MCM10: variants seen among roughly 807,000 people sequenced by gnomAD.
MCM10 encodes the protein protein MCM10 homolog.
A neutral mutation model predicts 109.9 loss-of-function variants in MCM10; 91 were observed. The observed-to-expected ratio is 0.83, with a 90% CI of 0.70 to 0.99. MCM10 has a LOEUF of 0.99. Ranked by LOEUF, MCM10 falls within the 50% of genes least tolerant of loss-of-function variation. The pLI, the probability that MCM10 is intolerant of heterozygous loss-of-function variation, is 0.00. For synonymous variants in MCM10, 380 were observed against 387.2 expected (o/e 0.98, Z 0.22); for missense variants, 1,077 against 1,061.2 (o/e 1.01, Z -0.21).
Position 13,182,961 on chromosome 10 carries a change from A to T in MCM10, c.959A>T (p.Asn320Ile), listed in dbSNP as rs1373480418. Residue 320 changes from asparagine (N) to isoleucine (I), a missense_variant, in exon 8 of 20, where the codon AAT becomes ATT. Physicochemically the swap from Asn to Ile is moderately radical, Grantham distance 149. Coordinates refer to ENST00000378714, the MANE Select transcript of MCM10 (RefSeq NM_018518.5). This position sits in a 1 kb window ranked among gnomAD's most constrained non-coding sequence, Gnocchi z 4.2. ...AAAACCTTCAGCATATGGAAACTGA[A>T]TGATCTTCGTGACCTGACACAATGT... Reference protein sequence around the residue: ...SGKTFSIWKLNDLRDLTQCVS... With the variant: ...SGKTFSIWKLIDLRDLTQCVS... 7 of 1,613,848 alleles carry T rather than the reference A, an allele frequency of 4.3e-6. No individual in the cohort carries two copies. The highest frequency in any genetic ancestry group is 5.9e-6 in the Non-Finnish European group (7 of 1,179,956).
At chr10:13,177,470 A>G (rs377108577) in intron 6 of MCM10, among the ~76,000 whole-genome samples, 2 of 138,068 alleles carry the variant, frequency 1.4e-5, no homozygotes, top group South Asian at 4.9e-4. Context: ...ATTTCCTTTG[A>G]GTGTCATGTT....
intron 17 of MCM10, among the ~76,000 whole-genome samples, chr10:13,202,956 T>G (rs1034758194): frequency 2.0e-5 from 3 of 152,144 alleles, no homozygotes; most frequent in Non-Finnish European, 4.4e-5. Flanking sequence ...GCGATTCTCG[T>G]GTCTCAGCCT....
At chr10:13,166,657 C>CATATATATATATAT (rs1491379684) in intron 2 of MCM10, among the ~76,000 whole-genome samples, 62 of 19,922 alleles carry the variant, frequency 3.1e-3, no homozygotes, top group East Asian at 7.0e-3. Flanking sequence ...AAAATACATA[C>CATATATATATATAT]ATACATATAT....
At position 13,209,413 on chromosome 10, in the gene MCM10, A is replaced by G; in HGVS notation, c.*103A>G. 1.1e-6 allele frequency: 1 copy of G among 898,588 alleles called. No homozygotes were observed. Among genetic ancestry groups the G allele is most frequent in the Non-Finnish European group, 1.8e-6 (1 of 564,604 alleles). The allele number at this position is 898,588 out of a possible 1,614,324, so 55.7% of individuals were successfully genotyped here. A position where few individuals can be genotyped will look rare whatever the true frequency, so the allele number is the denominator to read the frequency against. The stretch of plus-strand genomic sequence containing the variant: ...CCATTGATTCCTGATTGACGCCGTC[A>G]AAAACAAATGCTTGTTAAGCCCATA... On this transcript the variant is annotated 3_prime_UTR_variant, in exon 20 of 20. Coordinates refer to ENST00000378714, the MANE Select transcript of MCM10 (RefSeq NM_018518.5).
At chr10:13,190,933 T>C (rs1251135897) in intron 10 of MCM10, among the ~76,000 whole-genome samples, 10 of 152,218 alleles carry the variant, frequency 6.6e-5, no homozygotes, top group African/African-American at 2.4e-4. Context: ...TAATGGTGTT[T>C]CCAATGTATG....
chr10:13,190,106 C>A (rs933485352), intron 10 of MCM10, among the ~76,000 whole-genome samples: 9 of 150,686 alleles, frequency 6.0e-5, no homozygotes, highest in Admixed American at 2.0e-4. Flanking sequence ...TAATCAGTGG[C>A]CTCGTCACTA....
intron 17 of MCM10, 82 bp downstream of exon 17, chr10:13,201,616 G>C (rs977359983): frequency 2.2e-5 from 22 of 1,020,504 alleles, no homozygotes; most frequent in Non-Finnish European, 2.8e-5. Context: ...GAACCTGTGG[G>C]ATCTGGGGCC....
At chr10:13,170,219 G>A (rs1289070369) in intron 2 of MCM10, among the ~76,000 whole-genome samples, 3 of 152,248 alleles carry the variant, frequency 2.0e-5, no homozygotes, top group African/African-American at 7.2e-5. Context: ...AGTGGGGGCA[G>A]TGGTCAGGAG....
chr10:13,203,982 A>C (rs1008870072), intron 17 of MCM10, among the ~76,000 whole-genome samples: 1 of 152,156 alleles, frequency 6.6e-6, no homozygotes, highest in Non-Finnish European at 1.5e-5. Flanking sequence ...GTTATTGTGT[A>C]CTTTGTGCCT....
At chr10:13,166,657 C>CATATATATATATATATATAT (rs1491379684) in intron 2 of MCM10, among the ~76,000 whole-genome samples, 3 of 19,950 alleles carry the variant, frequency 1.5e-4, no homozygotes, top group East Asian at 9.9e-4. Context: ...AAAATACATA[C>CATATATATATATATATATAT]ATACATATAT....
chr10:13,201,302 G>T (rs933148857), intron 16 of MCM10, 119 bp from the exon 17 acceptor site: 1 of 693,142 alleles, frequency 1.4e-6, no homozygotes, highest in South Asian at 1.8e-5. Context: ...CTTCCATTCT[G>T]TTCTGTTTTG....
chr10:13,178,677 CT>C (rs1316755563), intron 6 of MCM10, among the ~76,000 whole-genome samples: 2 of 152,128 alleles, frequency 1.3e-5, no homozygotes, highest in African/African-American at 4.8e-5. Flanking sequence ...CTCGGGATTG[CT>C]TTGGCTATTT....
chr10:13,199,406 A>G (rs901029805), intron 16 of MCM10, among the ~76,000 whole-genome samples: 2 of 152,200 alleles, frequency 1.3e-5, no homozygotes, highest in African/African-American at 4.8e-5. Context: ...TTATGTTTAA[A>G]TGGCTCTACA....
rs1314858352 is a variant in MCM10, at chr10:13,192,463, G to A, written c.1640G>A (p.Ser547Asn). ...AKATASGIMG[S>N]PKPAIKSISA... ...GCTTCTGTTTCAGGGATTATGGGGAGCCCAAAACCAGCCATCAAGTCCATC... is the reference window on the plus strand; with the variant it reads ...GCTTCTGTTTCAGGGATTATGGGGAACCCAAAACCAGCCATCAAGTCCATC... The change falls in exon 13 of 20, where the codon AGC becomes AAC. Residue 547 changes from serine (S) to asparagine (N), a missense_variant. By Grantham distance (46) the Ser-to-Asn change is conservative. Coordinates refer to ENST00000378714, the MANE Select transcript of MCM10 (RefSeq NM_018518.5). 5.0e-6 allele frequency: 8 copies of A among 1,614,178 alleles called. No homozygotes were observed. The highest frequency in any genetic ancestry group is 2.2e-5 in the South Asian group (2 of 91,090).
At chr10:13,181,904 A>C (rs146648359) in intron 7 of MCM10, among the ~76,000 whole-genome samples, 4 of 152,194 alleles carry the variant, frequency 2.6e-5, no homozygotes, top group African/African-American at 4.8e-5. Context: ...CGGGCAGTAG[A>C]TTCCATGCTG....
At chr10:13,200,856 C>G (rs1290518463) in intron 16 of MCM10, among the ~76,000 whole-genome samples, 4 of 152,160 alleles carry the variant, frequency 2.6e-5, no homozygotes, top group South Asian at 2.1e-4. Context: ...TTAAAAGTCA[C>G]CAAATGGGCC....
Position 13,209,145 on chromosome 10 carries a change from G to A in MCM10, c.2541+12G>A, listed in dbSNP as rs1250541580. 1.2e-6 allele frequency: 2 copies of A among 1,611,200 alleles called. No individual in the cohort carries two copies. The highest frequency in any genetic ancestry group is 1.7e-6 in the Non-Finnish European group (2 of 1,177,302). On this transcript the variant is annotated intron_variant, in intron 19 of 19. Coordinates refer to ENST00000378714, the MANE Select transcript of MCM10 (RefSeq NM_018518.5). ...ACGGAATGCTAAAGGTATGCCATTT[G>A]CGTACTAATTTTTGACTCCTTTTAG...
At chr10:13,171,758 G>A (rs942821358) in intron 3 of MCM10, among the ~76,000 whole-genome samples, 1 of 151,616 alleles carries the variant, frequency 6.6e-6, no homozygotes, top group Non-Finnish European at 1.5e-5. Flanking sequence ...AATTTATGAA[G>A]TAAATATAAT....
chr10:13,202,642 G>A (rs1241361276), intron 17 of MCM10, among the ~76,000 whole-genome samples: 4 of 152,000 alleles, frequency 2.6e-5, no homozygotes, highest in South Asian at 2.1e-4. Context: ...TCTTTTAAAC[G>A]TAATCTTTGG....
Sources: allele counts gnomAD v4.1 joint callset (sites outside exome capture counted in the v4.1 genomes callset), GRCh38; gene constraint gnomAD v4.1.1; non-coding constraint Gnocchi (gnomAD v3.1); transcripts MANE v1.5; gene names NCBI Gene and HGNC (gene_info 2026-07-23, HGNC 2026-07-21).